Variants in EDIL3 observed in about 807,000 individuals in gnomAD.
The protein encoded by EDIL3 is EGF-like repeat and discoidin I-like domain-containing protein 3.
In EDIL3, 37 loss-of-function variants were observed where a neutral mutation model predicts 67.4. The ratio of observed to expected loss-of-function variants is 0.55; its 90% confidence interval spans 0.42 to 0.72. EDIL3 has a LOEUF of 0.72. EDIL3 is among the 30% of genes least tolerant of loss of function. EDIL3 has a pLI of 0.00. For missense variants in EDIL3, 527 were observed against 586.3 expected (o/e 0.90, Z 1.04); for synonymous variants, 195 against 196.3 (o/e 0.99, Z 0.05).
At chr5:83,954,319 T>C (rs981495643) in intron 10 of EDIL3, among the ~76,000 whole-genome samples, 3 of 151,772 alleles carry the variant, frequency 2.0e-5, no homozygotes, top group Admixed American at 2.0e-4. Flanking sequence ...CCAAATCTCA[T>C]GTCAAAATGC....
At chr5:84,141,762 A>C (rs1054485660) in intron 4 of EDIL3, among the ~76,000 whole-genome samples, 1 of 149,292 alleles carries the variant, frequency 6.7e-6, no homozygotes, top group Non-Finnish European at 1.5e-5. Context: ...CAGACTCTTT[A>C]TCGGTATGTC....
chr5:84,275,694 C>T (rs1049852259), intron 1 of EDIL3, among the ~76,000 whole-genome samples: 1 of 152,166 alleles, frequency 6.6e-6, no homozygotes, highest in African/African-American at 2.4e-5. Flanking sequence ...ATCTAGAATA[C>T]TTGCAGCTCA....
intron 1 of EDIL3, among the ~76,000 whole-genome samples, chr5:84,277,337 C>T (rs561820529): frequency 1.3e-5 from 2 of 152,236 alleles, no homozygotes; most frequent in East Asian, 3.9e-4. Context: ...CAGACCCTCA[C>T]AGACACAAAA....
chr5:84,366,200 C>A (rs1747730390), intron 1 of EDIL3, among the ~76,000 whole-genome samples: 1 of 152,010 alleles, frequency 6.6e-6, no homozygotes, highest in African/African-American at 2.4e-5. Flanking sequence ...GAATGTGTAC[C>A]AAGTATTGTG....
chr5:84,051,072 C>T (rs1029005762), intron 9 of EDIL3, among the ~76,000 whole-genome samples: 2 of 152,192 alleles, frequency 1.3e-5, no homozygotes, highest in African/African-American at 4.8e-5. Context: ...CCAGTAGGGG[C>T]AGACTGACAC....
chr5:84,312,771 T>C (rs1746434298), intron 1 of EDIL3, among the ~76,000 whole-genome samples: 3 of 152,228 alleles, frequency 2.0e-5, no homozygotes, highest in Non-Finnish European at 1.5e-5. Context: ...TGTAATTAAA[T>C]TACAATTTTT....
chr5:84,058,844 TTAAA>T (rs1450044211), intron 9 of EDIL3, among the ~76,000 whole-genome samples: 1 of 152,180 alleles, frequency 6.6e-6, no homozygotes, highest in Non-Finnish European at 1.5e-5. Context: ...CAAACATTTG[TTAAA>T]TAAATAATTT....
At chr5:84,244,463 A>G (rs1040617433) in intron 2 of EDIL3, among the ~76,000 whole-genome samples, 2 of 118,264 alleles carry the variant, frequency 1.7e-5, no homozygotes, top group Non-Finnish European at 3.7e-5. Flanking sequence ...TTTTTTTTGT[A>G]TTTTTAGTAG....
chr5:84,222,805 T>C (rs1744368279), intron 3 of EDIL3, among the ~76,000 whole-genome samples: 1 of 151,838 alleles, frequency 6.6e-6, no homozygotes, highest in South Asian at 2.1e-4. Context: ...TCAGGATCTT[T>C]GCCCTCTCTT....
chr5:84,209,990 C>T (rs1269074696), intron 3 of EDIL3, among the ~76,000 whole-genome samples: 1 of 152,112 alleles, frequency 6.6e-6, no homozygotes, highest in Non-Finnish European at 1.5e-5. Flanking sequence ...CTAATTTACC[C>T]TTTATCACTA....
rs1414252796 is a variant in EDIL3, at chr5:84,356,885, CTTTCTTTTT to C, written c.67+27414_67+27422del. Among the ~76,000 whole-genome samples, 254 of 39,342 alleles carry C rather than the reference CTTTCTTTTT, an allele frequency of 6.5e-3. 3 individuals are homozygous for C. Among genetic ancestry groups the C allele is most frequent in the African/African-American group, 0.02 (233 of 11,532 alleles). The allele number at this position is 39,342 out of a possible 152,430, so 25.8% of individuals were successfully genotyped here. ...TCAGGACCTTGAGAAAACAATCTTT[CTTTCTTTTT>C]TTTTTTTTTTTTTTTTTTTTTGGTC... On this transcript the variant is annotated intron_variant, in intron 1 of 10. Coordinates refer to ENST00000296591, the MANE Select transcript of EDIL3 (RefSeq NM_005711.5).
At chr5:84,243,967 T>C (rs1744854562) in intron 2 of EDIL3, among the ~76,000 whole-genome samples, 2 of 152,338 alleles carry the variant, frequency 1.3e-5, no homozygotes, top group African/African-American at 4.8e-5. Flanking sequence ...ATAAATACTT[T>C]GATATATGTT....
intron 10 of EDIL3, among the ~76,000 whole-genome samples, chr5:83,948,108 C>A (rs1744345543): frequency 6.6e-6 from 1 of 151,642 alleles, no homozygotes; most frequent in Non-Finnish European, 1.5e-5. Flanking sequence ...AATTATATTG[C>A]ATTTTGGGTT....
At chr5:84,323,169 C>T (rs992162620) in intron 1 of EDIL3, among the ~76,000 whole-genome samples, 8 of 151,878 alleles carry the variant, frequency 5.3e-5, no homozygotes, top group African/African-American at 1.9e-4. Context: ...TGGTTTGTAA[C>T]TCAGCAGTTT....
chr5:84,162,680 C>A (rs1484809838), intron 4 of EDIL3, among the ~76,000 whole-genome samples: 1 of 152,106 alleles, frequency 6.6e-6, no homozygotes, highest in African/African-American at 2.4e-5. Context: ...GGATTTTCCT[C>A]TTGGGCTCCC....
At chr5:84,024,408 G>A (rs1353276402) in intron 9 of EDIL3, among the ~76,000 whole-genome samples, 2 of 152,052 alleles carry the variant, frequency 1.3e-5, no homozygotes, top group African/African-American at 4.8e-5. Flanking sequence ...AATACATCAA[G>A]TTTTCAATCA....
intron 9 of EDIL3, 74 bp downstream of exon 9, chr5:84,060,226 C>T: frequency 1.3e-6 from 2 of 1,543,182 alleles, no homozygotes. Flanking sequence ...ACGACTCTGA[C>T]ACTCACCTAA....
chr5:84,292,579 T>A (rs1380904722), intron 1 of EDIL3, among the ~76,000 whole-genome samples: 1 of 152,226 alleles, frequency 6.6e-6, no homozygotes, highest in African/African-American at 2.4e-5. Flanking sequence ...TTATTGTTAA[T>A]GTTTGAAAAT....
At chr5:83,996,248 G>A (rs1332711308) in intron 9 of EDIL3, among the ~76,000 whole-genome samples, 3 of 152,110 alleles carry the variant, frequency 2.0e-5, no homozygotes, top group Non-Finnish European at 4.4e-5. Flanking sequence ...GAATTTTCAT[G>A]GTGCCTATAT....
Sources: allele counts gnomAD v4.1 joint callset (sites outside exome capture counted in the v4.1 genomes callset), GRCh38; gene constraint gnomAD v4.1.1; transcripts MANE v1.5; gene names NCBI Gene and HGNC (gene_info 2026-07-23, HGNC 2026-07-21).